Variants in TFEC observed in about 807,000 individuals in gnomAD.
TFEC encodes class E basic helix-loop-helix protein 34.
TFEC carries 31 observed loss-of-function variants against 41.6 expected under a neutral mutation model. That is an observed-to-expected ratio of 0.74 (90% CI 0.56 to 1.01). The LOEUF (loss-of-function observed/expected upper bound fraction) is 1.01, where lower values mean the gene tolerates loss of function less well. TFEC is among the 50% of genes least tolerant of loss of function. The pLI is 0.00. For synonymous variants in TFEC, 143 were observed against 140.6 expected, an observed-to-expected ratio of 1.02 and a Z score of -0.12; for missense variants, 402 against 404.1, an observed-to-expected ratio of 0.99 and a Z score of 0.04.
At chr7:115,988,515 C>A (rs1793958482) in intron 1 of TFEC, among the ~76,000 whole-genome samples, 1 of 151,440 alleles carries the variant, frequency 6.6e-6, no homozygotes, top group Admixed American at 6.6e-5. Context: ...AACTACAGAA[C>A]TGAAAAGCAA....
intron 1 of TFEC, among the ~76,000 whole-genome samples, chr7:115,991,348 A>G (rs1026827525): frequency 2.0e-5 from 3 of 152,214 alleles, no homozygotes; most frequent in African/African-American, 7.2e-5. Flanking sequence ...TAACATCATA[A>G]TGACAGGATC....
chr7:115,940,628 A>T lies in TFEC; in HGVS notation c.967T>A (p.Ser323Thr), dbSNP rs760174394. 7 of 1,613,428 alleles carry T rather than the reference A, an allele frequency of 4.3e-6. No individual in the cohort carries two copies. In the African/African-American group the frequency reaches 8.0e-5, roughly 18 times the overall value. Residue 323 changes from serine to threonine, a missense_variant, in exon 8 of 8, where the codon TCT becomes ACT. Transcript: ENST00000265440. ...TTGGAAACTGCAGGGGAAGTGGCAGATAGCAGAGGATCTGTTCCAAATGGA... is the reference window on the plus strand; with the variant it reads ...TTGGAAACTGCAGGGGAAGTGGCAGTTAGCAGAGGATCTGTTCCAAATGGA... ...ISPFGTDPLL[S>T]ATSPAVSKES...
At chr7:115,968,446 C>G (rs1377624967) in intron 3 of TFEC, 2 of 601,240 alleles carry the variant, frequency 3.3e-6, no homozygotes, top group East Asian at 6.2e-5. Context: ...TTTACTCATT[C>G]CTCGTCTCTG....
At chr7:116,143,484 T>C (rs1418985379) in intron 1 of TFEC, among the ~76,000 whole-genome samples, 1 of 152,112 alleles carries the variant, frequency 6.6e-6, no homozygotes, top group African/African-American at 2.4e-5. Context: ...CTGAATGAAG[T>C]GCAACATGAA....
At chr7:116,060,450 A>T (rs1796527127) in intron 3 of TFEC, among the ~76,000 whole-genome samples, 1 of 152,170 alleles carries the variant, frequency 6.6e-6, no homozygotes, top group South Asian at 2.1e-4. Flanking sequence ...TATCAGAAAC[A>T]TGGAATCAAC....
chr7:116,081,135 T>C (rs1203443594), intron 3 of TFEC, among the ~76,000 whole-genome samples: 1 of 151,858 alleles, frequency 6.6e-6, no homozygotes, highest in African/African-American at 2.4e-5. Context: ...CCAAACATCA[T>C]ATGTTCTCAC....
chr7:116,021,441 T>C (rs775542852), intron 1 of TFEC, among the ~76,000 whole-genome samples: 8 of 152,288 alleles, frequency 5.3e-5, no homozygotes, highest in East Asian at 1.9e-4. Context: ...ACTCTGTATA[T>C]GCACAGGGGA....
chr7:115,962,750 A>G (rs1340778869), intron 3 of TFEC, among the ~76,000 whole-genome samples: 1 of 151,812 alleles, frequency 6.6e-6, no homozygotes, highest in African/African-American at 2.4e-5. Flanking sequence ...TCACAGGGGG[A>G]GAAGCTACTG....
intron 3 of TFEC, among the ~76,000 whole-genome samples, chr7:116,090,718 A>C (rs1797306442): frequency 6.6e-6 from 1 of 152,120 alleles, no homozygotes; most frequent in Non-Finnish European, 1.5e-5. Context: ...TTGAAGTAAA[A>C]ATTTTACAAT....
At chr7:116,141,167 T>C (rs958579152) in intron 1 of TFEC, among the ~76,000 whole-genome samples, 1 of 152,092 alleles carries the variant, frequency 6.6e-6, no homozygotes, top group South Asian at 2.1e-4. Context: ...GAGGAATGTA[T>C]CAGTAAGGCA....
chr7:116,089,559 T>C (rs745317422), intron 3 of TFEC, among the ~76,000 whole-genome samples: 1 of 152,118 alleles, frequency 6.6e-6, no homozygotes, highest in Non-Finnish European at 1.5e-5. Context: ...AAATATGCAC[T>C]GGTCTTACAG....
intron 6 of TFEC, among the ~76,000 whole-genome samples, chr7:115,945,457 C>A (rs529423000): frequency 6.6e-6 from 1 of 151,684 alleles, no homozygotes; most frequent in Admixed American, 6.6e-5. Context: ...TTGCTAAACC[C>A]TAAAGAGGGA....
intron 3 of TFEC, among the ~76,000 whole-genome samples, chr7:116,065,343 A>C (rs2131004047): frequency 6.6e-6 from 1 of 152,320 alleles, no homozygotes; most frequent in Middle Eastern, 3.4e-3. Flanking sequence ...ATTGAGCAGT[A>C]AAGGAAATTA....
chr7:116,127,376 C>A, intron 1 of TFEC, among the ~76,000 whole-genome samples: 1 of 151,916 alleles, frequency 6.6e-6, no homozygotes, highest in Non-Finnish European at 1.5e-5. Context: ...AGCCACCGCG[C>A]CCAGCCTGGG....
intron 1 of TFEC, among the ~76,000 whole-genome samples, chr7:116,142,610 A>C (rs1467963990): frequency 6.6e-6 from 1 of 152,196 alleles, no homozygotes; most frequent in Non-Finnish European, 1.5e-5. Flanking sequence ...TAACTTGTTG[A>C]GGGCTCTTCA....
intron 3 of TFEC, among the ~76,000 whole-genome samples, chr7:116,052,490 G>A (rs113516319): frequency 0.23 from 34,383 of 151,880 alleles, 4,103 homozygotes; most frequent in East Asian, 0.39. Context: ...GTGCAGTGGC[G>A]CAATCTCGGC....
intron 3 of TFEC, among the ~76,000 whole-genome samples, chr7:115,969,275 TCTA>T (rs1793021087): frequency 6.6e-6 from 1 of 151,814 alleles, no homozygotes; most frequent in African/African-American, 2.4e-5. Flanking sequence ...GGGTTTGCAT[TCTA>T]CAGGGGGAAG....
intron 1 of TFEC, among the ~76,000 whole-genome samples, chr7:116,139,501 T>G (rs1798498285): frequency 6.6e-6 from 1 of 152,224 alleles, no homozygotes. Context: ...ACACTAGAAT[T>G]TTATTGTTAT....
chr7:116,153,317 G>A (rs532846529), intron 1 of TFEC, among the ~76,000 whole-genome samples: 4 of 152,178 alleles, frequency 2.6e-5, no homozygotes, highest in East Asian at 3.9e-4. Flanking sequence ...GTGCACTGGC[G>A]CAATCTCGGC....
Sources: allele counts gnomAD v4.1 joint callset (sites outside exome capture counted in the v4.1 genomes callset), GRCh38; gene constraint gnomAD v4.1.1; transcripts MANE v1.5; gene names NCBI Gene and HGNC (gene_info 2026-07-23, HGNC 2026-07-21).